PLEKHA8: variants seen among roughly 807,000 people sequenced by gnomAD.
PLEKHA8 encodes the protein pleckstrin homology domain-containing family A member 8.
A neutral mutation model predicts 68.2 loss-of-function variants in PLEKHA8; 36 were observed. That is an observed-to-expected ratio of 0.53 (90% CI 0.40 to 0.70). The LOEUF (loss-of-function observed/expected upper bound fraction) is 0.70, where lower values mean the gene tolerates loss of function less well. Ranked by LOEUF, PLEKHA8 falls within the 30% of genes least tolerant of loss-of-function variation. The pLI, the probability that PLEKHA8 is intolerant of heterozygous loss-of-function variation, is 0.00. For synonymous variants in PLEKHA8, 211 were observed against 216.1 expected, an observed-to-expected ratio of 0.98 and a Z score of 0.20; for missense variants, 505 against 615.4, an observed-to-expected ratio of 0.82 and a Z score of 1.90.
At chr7:30,049,064 A>G in intron 4 of PLEKHA8, 160 bp from the exon 5 acceptor site, 1 of 619,500 alleles carries the variant, frequency 1.6e-6, no homozygotes, top group East Asian at 2.8e-5. Context: ...TAGTTACTTG[A>G]TTAATAGATA....
chr7:30,060,313 C>T (rs1272571015), intron 9 of PLEKHA8, among the ~76,000 whole-genome samples: 1 of 151,704 alleles, frequency 6.6e-6, no homozygotes, highest in African/African-American at 2.4e-5. Context: ...TGGTGGTGGG[C>T]ATCTGTAATC....
exon 13 of PLEKHA8, chr7:30,090,288 G>T (rs948640362): frequency 3.8e-6 from 5 of 1,319,560 alleles, no homozygotes; most frequent in Middle Eastern, 1.8e-4. Context: ...CTTTCCACAA[G>T]ATTCTGTGAC....
chr7:30,029,158 A>G (rs1562845431), intron 1 of PLEKHA8, among the ~76,000 whole-genome samples: 3 of 152,204 alleles, frequency 2.0e-5, no homozygotes, highest in African/African-American at 4.8e-5. Context: ...TGGCGAAGGA[A>G]CCGTACTCCC....
At chr7:30,038,660 A>T in intron 1 of PLEKHA8, among the ~76,000 whole-genome samples, 1 of 152,176 alleles carries the variant, frequency 6.6e-6, no homozygotes, top group African/African-American at 2.4e-5. Flanking sequence ...CCAAATAATG[A>T]ATTTTATTTT....
chr7:30,094,809 A>G (rs1046265940), downstream of PLEKHA8, among the ~76,000 whole-genome samples: 2 of 151,604 alleles, frequency 1.3e-5, no homozygotes, highest in African/African-American at 4.9e-5. Flanking sequence ...ATTTGCTGAG[A>G]ATGGTGGTTT....
At chr7:30,055,120 A>G in intron 8 of PLEKHA8, 137 bp from the exon 9 acceptor site, 1 of 811,644 alleles carries the variant, frequency 1.2e-6, no homozygotes, top group Non-Finnish European at 2.0e-6. Flanking sequence ...CCATATTAGA[A>G]AAACAGTTAC....
Position 30,083,545 on chromosome 7 carries a change from G to T in PLEKHA8, c.*4758G>T. On this transcript the variant is annotated 3_prime_UTR_variant, in exon 14 of 14. Coordinates refer to ENST00000449726, the MANE Select transcript of PLEKHA8 (RefSeq NM_001197026.2). ...CACTGCTGCATTCAGGCACTCCAGG[G>T]CATGATTAAACAGTCATTAACAGTG... The T allele has an allele frequency of 4.1e-6, 4 of 985,324 alleles. No individual in the cohort carries two copies. Among genetic ancestry groups the T allele is most frequent in the Non-Finnish European group, 4.8e-6 (4 of 829,926 alleles). 61.0% of individuals were successfully genotyped at this position (985,324 alleles called of 1,614,324 possible). A position where few individuals can be genotyped will look rare whatever the true frequency, so the allele number is the denominator to read the frequency against.
chr7:30,078,594 C>T lies in PLEKHA8; in HGVS notation c.1367C>T (p.Ala456Val). 1.2e-6 allele frequency: 2 copies of T among 1,613,682 alleles called. No individual in the cohort carries two copies. Among genetic ancestry groups the T allele is most frequent in the South Asian group, 1.1e-5 (1 of 91,084 alleles). ...GWVVRGVFAL[A>V]LRAAPSYEDF... is the part of the protein sequence containing the mutation. ...TCATGGGTTATTCTTTTGCAGTTAGCTTTAAGGGCAGCTCCATCCTATGAA... is the reference window on the plus strand; with the variant it reads ...TCATGGGTTATTCTTTTGCAGTTAGTTTTAAGGGCAGCTCCATCCTATGAA... The change falls in exon 14 of 14, where the codon GCT (alanine) becomes GTT (valine). Residue 456 changes from alanine to valine, a missense_variant. Physicochemically the swap from Ala to Val is moderately conservative, Grantham distance 64 (BLOSUM62 0). Transcript: ENST00000449726.
chr7:30,048,080 C>T, intron 4 of PLEKHA8, 124 bp downstream of exon 4: 1 of 524,208 alleles, frequency 1.9e-6, no homozygotes. Flanking sequence ...TAAAAAGCAC[C>T]AGACGTTGCT....
At chr7:30,090,667 C>T in exon 13 of PLEKHA8, 1 of 568,194 alleles carries the variant, frequency 1.8e-6, no homozygotes, top group Non-Finnish European at 2.2e-6. Context: ...AGACTTGATA[C>T]TGTCTCAACT....
Position 30,083,923 on chromosome 7 carries a change from A to C in PLEKHA8, c.*5136A>C. 1 of 985,484 alleles carries C rather than the reference A, an allele frequency of 1.0e-6. No individual in the cohort carries two copies. The highest frequency in any genetic ancestry group is 1.2e-6 in the Non-Finnish European group (1 of 829,908). 61.0% of individuals were successfully genotyped at this position (985,484 alleles called of 1,614,324 possible). Reference sequence around the variant, plus strand: ...TATGCGTGTCTGTTTATAGGTGTATATGGAGTCAGTGTTGATAGGAAGGAT... The same window carrying C: ...TATGCGTGTCTGTTTATAGGTGTATCTGGAGTCAGTGTTGATAGGAAGGAT... On this transcript the variant is annotated 3_prime_UTR_variant, in exon 14 of 14. Transcript: ENST00000449726.
downstream of PLEKHA8, among the ~76,000 whole-genome samples, chr7:30,089,590 G>C (rs1295156317): frequency 1.3e-5 from 2 of 152,228 alleles, no homozygotes; most frequent in Non-Finnish European, 2.9e-5. Flanking sequence ...GGTCTGAACA[G>C]AGCTGCTCAC....
intron 13 of PLEKHA8, among the ~76,000 whole-genome samples, chr7:30,109,306 A>G (rs549668180): frequency 4.6e-5 from 7 of 152,282 alleles, no homozygotes; most frequent in Non-Finnish European, 8.8e-5. Flanking sequence ...AAAGAGATTA[A>G]CATGGCTGGG....
chr7:30,067,300 T>G (rs994496060), intron 12 of PLEKHA8, among the ~76,000 whole-genome samples: 3 of 152,182 alleles, frequency 2.0e-5, no homozygotes, highest in Non-Finnish European at 4.4e-5. Context: ...CGAAGCCCTG[T>G]CTCTTCAAAA....
intron 12 of PLEKHA8, among the ~76,000 whole-genome samples, chr7:30,069,180 C>T (rs532802941): frequency 4.6e-5 from 7 of 152,308 alleles, no homozygotes; most frequent in African/African-American, 1.2e-4. Context: ...CACACTTCCC[C>T]GGTGCCTATC....
intron 13 of PLEKHA8, among the ~76,000 whole-genome samples, chr7:30,122,705 ACC>A (rs1562562243): frequency 6.6e-6 from 1 of 152,180 alleles, no homozygotes; most frequent in Non-Finnish European, 1.5e-5. Flanking sequence ...GTAATAGACA[ACC>A]TGTTAACTGG....
rs970002735 is a variant in PLEKHA8 at position 30,098,637 on chromosome 7, C to T, written c.1362+24505C>T. Among the ~76,000 whole-genome samples, 17 of 152,334 alleles carry T rather than the reference C, an allele frequency of 1.1e-4. 1 individual carries two copies. Among genetic ancestry groups the T allele is most frequent in the Admixed American group, 5.9e-4 (9 of 15,310 alleles). Reference sequence around the variant, plus strand: ...GGCGTAGGACCCTCCAAGCCAGGTGCGGGATATAATCTCCTGTTGTGCCGT... The same window carrying T: ...GGCGTAGGACCCTCCAAGCCAGGTGTGGGATATAATCTCCTGTTGTGCCGT... On this transcript the variant is annotated intron_variant, in intron 13 of 13. Coordinates refer to the PLEKHA8 transcript ENST00000396257.
At chr7:30,032,480 C>T (rs979060005) in intron 1 of PLEKHA8, among the ~76,000 whole-genome samples, 1 of 152,110 alleles carries the variant, frequency 6.6e-6, no homozygotes, top group Non-Finnish European at 1.5e-5. Context: ...AAACAGTTGC[C>T]TTTATTATGC....
Position 30,080,095 on chromosome 7 carries a change from G to T in PLEKHA8, c.*1308G>T, listed in dbSNP as rs1478966866. The T allele has an allele frequency of 1.0e-6, 1 of 985,170 alleles. No homozygotes were observed. The highest frequency in any genetic ancestry group is 1.2e-6 in the Non-Finnish European group (1 of 829,912). 61.0% of individuals were successfully genotyped at this position (985,170 alleles called of 1,614,324 possible). A position where few individuals can be genotyped will look rare whatever the true frequency, so the allele number is the denominator to read the frequency against. ...ATCAATCTCGGTTTAATCACCAAAA[G>T]TGCAGAGCAGGCAAAATGCAGCTGT... On this transcript the variant is annotated 3_prime_UTR_variant, in exon 14 of 14. Transcript: ENST00000449726.
Sources: gnomAD v4.1 joint callset for allele counts (sites outside exome capture counted in the v4.1 genomes callset) on GRCh38, gnomAD v4.1.1 for gene constraint, MANE v1.5 for transcripts, NCBI Gene and HGNC (gene_info 2026-07-23, HGNC 2026-07-21) for gene names.